MIPOL1: variants seen among roughly 807,000 people sequenced by gnomAD.
MIPOL1 encodes mirror-image polydactyly gene 1 protein.
A neutral mutation model predicts 60.9 loss-of-function variants in MIPOL1; 57 were observed. The ratio of observed to expected loss-of-function variants is 0.94; its 90% CI spans 0.76 to 1.17. The LOEUF (loss-of-function observed/expected upper bound fraction) is 1.17, where lower values mean the gene tolerates loss of function less well. Among genes scored for constraint, MIPOL1 ranks in the 50% most tolerant of loss-of-function variants. The pLI is 0.00. For missense variants in MIPOL1, 551 were observed against 511.6 expected (o/e 1.08, Z -0.74); for synonymous variants, 179 against 168.8 (o/e 1.06, Z -0.47).
chr14:37,302,436 G>T (rs867178650), intron 7 of MIPOL1, among the ~76,000 whole-genome samples: 4,146 of 151,370 alleles, frequency 0.027, 214 homozygotes, highest in African/African-American at 0.095. Flanking sequence ...GTATTTGATG[G>T]TTTTTCAAAT....
rs571475010 is a variant in MIPOL1 at position 37,311,427 on chromosome 14, G to T, written c.828+2908G>T. Among the ~76,000 whole-genome samples the T allele has an allele frequency of 7.2e-5, 11 of 152,216 alleles. No homozygotes were observed. In the South Asian group the frequency reaches 2.3e-3, roughly 32 times the overall value. On this transcript the variant is annotated intron_variant, in intron 9 of 12. Coordinates refer to ENST00000684589, the MANE Select transcript of MIPOL1 (RefSeq NM_001388067.1). ...AAGAAGTTAACATTTGGTAATATTT[G>T]CTGACAAGTTGTTATGTATAAATAC... is the stretch of plus-strand genomic sequence containing the variant.
intron 11 of MIPOL1, among the ~76,000 whole-genome samples, chr14:37,444,876 C>T (rs113445780): frequency 6.2e-4 from 94 of 152,240 alleles, no homozygotes; most frequent in Non-Finnish European, 1.2e-3. Context: ...AATTCAACAA[C>T]GCTTCATGCT....
At chr14:37,397,579 TC>T (rs1474638907) in intron 10 of MIPOL1, among the ~76,000 whole-genome samples, 1 of 152,080 alleles carries the variant, frequency 6.6e-6, no homozygotes, top group Non-Finnish European at 1.5e-5. Flanking sequence ...CCCTTTGTCT[TC>T]AGCTACCAGG....
intron 11 of MIPOL1, among the ~76,000 whole-genome samples, chr14:37,434,863 A>AC (rs1566599641): frequency 2.0e-5 from 3 of 152,008 alleles, no homozygotes; most frequent in African/African-American, 7.2e-5. Flanking sequence ...AAAAAAAAAA[A>AC]AAACAAAATA....
intron 1 of MIPOL1, chr14:37,240,545 A>G (rs1397766122): frequency 2.6e-5 from 4 of 152,114 alleles, no homozygotes; most frequent in Admixed American, 6.5e-5. Flanking sequence ...AAAACAGGCT[A>G]TTTGTTCCTT....
chr14:37,369,745 A>C, intron 10 of MIPOL1, 121 bp downstream of exon 10: 1 of 586,710 alleles, frequency 1.7e-6, no homozygotes, highest in Admixed American at 2.8e-5. Context: ...TTTGCCAACA[A>C]CCCCTTCTTT....
chr14:37,267,573 T>C (rs2082975488), intron 4 of MIPOL1, among the ~76,000 whole-genome samples: 1 of 152,170 alleles, frequency 6.6e-6, no homozygotes, highest in Non-Finnish European at 1.5e-5. Context: ...TCTTTCTTTT[T>C]GGTGTTGGCT....
At chr14:37,551,710 A>C (rs1270723339), downstream of MIPOL1, 1 of 151,496 alleles carries the variant, frequency 6.6e-6, no homozygotes, top group African/African-American at 2.4e-5. Context: ...GTCTCTACTA[A>C]AAAAAGTACA....
At chr14:37,236,936 G>A (rs1971584243) in intron 1 of MIPOL1, among the ~76,000 whole-genome samples, 1 of 152,128 alleles carries the variant, frequency 6.6e-6, no homozygotes, top group South Asian at 2.1e-4. Flanking sequence ...ATCCTGAGGT[G>A]AAAGTTTAAG....
chr14:37,525,439 AC>A lies in MIPOL1; in HGVS notation c.1263-21464del, dbSNP rs1442974815. ...AAGTCTTGATTACTTTTTAGAGTGT[AC>A]CATAGAATATAATCAATTTTAGACC... On this transcript the variant is annotated intron_variant, in intron 12 of 12. Transcript: ENST00000684589. 2.6e-5 allele frequency among the ~76,000 whole-genome samples: 4 copies of A among 152,194 alleles called. 1 individual carries two copies. In the South Asian group the frequency reaches 8.3e-4, roughly 31 times the overall value.
chr14:37,315,953 G>A (rs1402192833), intron 9 of MIPOL1, among the ~76,000 whole-genome samples: 1 of 152,016 alleles, frequency 6.6e-6, no homozygotes, highest in Non-Finnish European at 1.5e-5. Flanking sequence ...TGTTGAATGA[G>A]GTCGAAGGAC....
chr14:37,417,535 G>T (rs761884441), intron 10 of MIPOL1, among the ~76,000 whole-genome samples: 4 of 152,056 alleles, frequency 2.6e-5, no homozygotes, highest in Non-Finnish European at 5.9e-5. Context: ...TTGAAACCTG[G>T]TCATTTTTAT....
chr14:37,399,997 G>A (rs1486157077), intron 10 of MIPOL1: 1 of 152,144 alleles, frequency 6.6e-6, no homozygotes, highest in East Asian at 1.9e-4. Flanking sequence ...GTGAAGCAAA[G>A]ATTATTCTTG....
chr14:37,369,419 T>A, intron 9 of MIPOL1, 98 bp from the exon 10 acceptor site: 1 of 746,692 alleles, frequency 1.3e-6, no homozygotes, highest in Non-Finnish European at 2.1e-6. Flanking sequence ...ACCTTGTCTT[T>A]TAGAGAATAC....
At chr14:37,204,504 A>G (rs1255884537) in intron 1 of MIPOL1, among the ~76,000 whole-genome samples, 2 of 152,032 alleles carry the variant, frequency 1.3e-5, no homozygotes, top group African/African-American at 2.4e-5. Context: ...TACCGTTCTC[A>G]TGGTAGTGAA....
At chr14:37,362,519 TTCTC>T (rs1425531481) in intron 9 of MIPOL1, among the ~76,000 whole-genome samples, 6 of 152,196 alleles carry the variant, frequency 3.9e-5, no homozygotes, top group Admixed American at 3.9e-4. Flanking sequence ...AACCTGACCT[TTCTC>T]TCTGGCTGCA....
intron 10 of MIPOL1, among the ~76,000 whole-genome samples, chr14:37,394,453 A>G (rs997386724): frequency 1.3e-5 from 2 of 151,964 alleles, no homozygotes; most frequent in African/African-American, 4.8e-5. Context: ...AATTATGGCT[A>G]TTCTTGCAGG....
chr14:37,403,237 A>G (rs918786031), intron 10 of MIPOL1, among the ~76,000 whole-genome samples: 1 of 152,118 alleles, frequency 6.6e-6, no homozygotes, highest in African/African-American at 2.4e-5. Flanking sequence ...TAGCTTCTAT[A>G]TATCAGAGGA....
chr14:37,372,442 TAGG>T (rs1311217638), intron 10 of MIPOL1, among the ~76,000 whole-genome samples: 1 of 152,024 alleles, frequency 6.6e-6, no homozygotes, highest in African/African-American at 2.4e-5. Context: ...CTTTTTAACA[TAGG>T]AGGCAATTAC....
Sources: allele counts gnomAD v4.1 joint callset (sites outside exome capture counted in the v4.1 genomes callset), GRCh38; gene constraint gnomAD v4.1.1; transcripts MANE v1.5; gene names NCBI Gene and HGNC (gene_info 2026-07-23, HGNC 2026-07-21).